The following COLEC10 variants were observed in gnomAD, a reference collection of about 807,000 sequenced individuals.
COLEC10 encodes collectin subfamily member 10.
COLEC10 carries 22 observed loss-of-function variants against 28.4 expected under a neutral mutation model. That is an observed-to-expected ratio of 0.78 (90% CI 0.55 to 1.11). The LOEUF is 1.11. Among genes scored for constraint, COLEC10 ranks in the 50% least tolerant of loss-of-function variants. COLEC10 has a pLI of 0.00. For synonymous variants in COLEC10, 125 were observed against 116.1 expected (o/e 1.08, Z -0.49); for missense variants, 361 against 344.1 (o/e 1.05, Z -0.39).
chr8:119,078,861 C>T (rs1815307533), intron 1 of COLEC10, among the ~76,000 whole-genome samples: 2 of 152,084 alleles, frequency 1.3e-5, no homozygotes, highest in Non-Finnish European at 2.9e-5. Context: ...CAATACTACA[C>T]TTTCTCCTTA....
At chr8:119,089,884 T>C (rs375059160) in intron 2 of COLEC10, 133 bp downstream of exon 2, 15 of 673,546 alleles carry the variant, frequency 2.2e-5, no homozygotes, top group Non-Finnish European at 3.9e-5. Context: ...ATTTCACACA[T>C]GAATTAACTC....
intron 2 of COLEC10, among the ~76,000 whole-genome samples, chr8:119,041,401 G>A (rs1814492063): frequency 6.6e-6 from 1 of 152,110 alleles, no homozygotes; most frequent in South Asian, 2.1e-4. Context: ...AATGATATTG[G>A]AATGCATTTA....
At chr8:119,015,920 T>G (rs773902121) in intron 2 of COLEC10, among the ~76,000 whole-genome samples, 30 of 152,210 alleles carry the variant, frequency 2.0e-4, no homozygotes, top group Non-Finnish European at 4.0e-4. Context: ...TAACAGCAAC[T>G]AACCCTAGAA....
rs143479754 is a variant in COLEC10 at position 119,107,665 on chromosome 8, G to A, written c.*1474G>A. ...ATAAACTCAGATCCTACAGGGGCCAGGCAGATGACTTACCTAAATGAAGTG... is the reference window on the plus strand; with the variant it reads ...ATAAACTCAGATCCTACAGGGGCCAAGCAGATGACTTACCTAAATGAAGTG... On this transcript the variant is annotated 3_prime_UTR_variant, in exon 6 of 6. Transcript: ENST00000332843. Among the ~76,000 whole-genome samples the A allele has an allele frequency of 7.5e-4, 114 of 152,252 alleles. No individual in the cohort carries two copies. The highest frequency in any genetic ancestry group is 1.3e-3 in the Non-Finnish European group (88 of 68,018).
intron 2 of COLEC10, among the ~76,000 whole-genome samples, chr8:119,034,951 C>T (rs957295222): frequency 4.6e-5 from 7 of 152,114 alleles, no homozygotes; most frequent in Admixed American, 1.3e-4. Flanking sequence ...TAGTAAACGG[C>T]AACTAATCAT....
chr8:119,070,364 T>A (rs1349798766), intron 1 of COLEC10, among the ~76,000 whole-genome samples: 2 of 152,196 alleles, frequency 1.3e-5, no homozygotes, highest in African/African-American at 4.8e-5. Context: ...AATGACTCTG[T>A]TGCAAGCCAT....
chr8:118,998,281 A>T (rs1485305), intron 1 of COLEC10, among the ~76,000 whole-genome samples: 82,024 of 151,950 alleles, frequency 0.54, 23,561 homozygotes, highest in African/African-American at 0.75. Context: ...TATTTCAATT[A>T]TTCCCAATGT....
At chr8:119,005,252 T>C (rs1309318755) in intron 1 of COLEC10, among the ~76,000 whole-genome samples, 2 of 152,134 alleles carry the variant, frequency 1.3e-5, no homozygotes, top group African/African-American at 4.8e-5. Flanking sequence ...AACCATGACA[T>C]ATACTCAACC....
intron 3 of COLEC10, among the ~76,000 whole-genome samples, chr8:119,093,735 T>C (rs560793760): frequency 6.6e-6 from 1 of 152,350 alleles, no homozygotes; most frequent in African/African-American, 2.4e-5. Flanking sequence ...GAATTTTTAA[T>C]ACCACCCATG....
intron 2 of COLEC10, among the ~76,000 whole-genome samples, chr8:119,056,237 A>T (rs1814759240): frequency 6.6e-6 from 1 of 152,054 alleles, no homozygotes; most frequent in African/African-American, 2.4e-5. Flanking sequence ...GTCAAGCACT[A>T]CAGGTTGCCT....
chr8:119,032,631 G>A (rs1213204911), intron 2 of COLEC10, among the ~76,000 whole-genome samples: 1 of 152,204 alleles, frequency 6.6e-6, no homozygotes, highest in Admixed American at 6.5e-5. Context: ...GCCCCGCGCG[G>A]TGGCTCATGC....
At chr8:118,990,338 G>T in the COLEC10 span, among the ~76,000 whole-genome samples, 1 of 152,110 alleles carries the variant, frequency 6.6e-6, no homozygotes, top group African/African-American at 2.4e-5. Context: ...GGAAAAGGGA[G>T]AAATATAATT....
chr8:119,022,917 T>C (rs1390012039), intron 2 of COLEC10, among the ~76,000 whole-genome samples: 1 of 152,104 alleles, frequency 6.6e-6, no homozygotes, highest in Non-Finnish European at 1.5e-5. Context: ...TTCCTATTAG[T>C]CTTTCTGTGG....
chr8:118,953,264 G>C, the COLEC10 span, among the ~76,000 whole-genome samples: 1 of 152,230 alleles, frequency 6.6e-6, no homozygotes, highest in Admixed American at 6.5e-5. Flanking sequence ...ATGTAGCTCA[G>C]TGAGTGTGGA....
intron 2 of COLEC10, 53 bp from the exon 3 acceptor site, chr8:119,091,096 T>A: frequency 7.0e-7 from 1 of 1,434,624 alleles, no homozygotes; most frequent in Non-Finnish European, 9.8e-7. Flanking sequence ...ATTAGCCACA[T>A]TTCAAGGGAA....
chr8:118,965,443 CA>C, the COLEC10 span, among the ~76,000 whole-genome samples: 1 of 151,916 alleles, frequency 6.6e-6, no homozygotes, highest in African/African-American at 2.4e-5. Flanking sequence ...TTATCTTTAC[CA>C]AAAAGAGTAA....
rs1168859653 is a variant in COLEC10, at chr8:119,041,301, T to C, written n.235+31748T>C. 2.6e-5 allele frequency among the ~76,000 whole-genome samples: 4 copies of C among 152,182 alleles called. 1 individual carries two copies. The highest frequency in any genetic ancestry group is 7.2e-5 in the African/African-American group (3 of 41,526). ...TCTGGCATGATCCCTAATGGTACCA[T>C]TTGATTCTGGAAGAAAAACCTTACC... On this transcript the variant is annotated intron_variant and non_coding_transcript_variant, in intron 2 of 6. Transcript: ENST00000521788.
intron 1 of COLEC10, among the ~76,000 whole-genome samples, chr8:119,005,571 C>A (rs1813779654): frequency 6.6e-6 from 1 of 152,090 alleles, no homozygotes; most frequent in African/African-American, 2.4e-5. Flanking sequence ...GTTTTATGAA[C>A]CTTCACTGAT....
chr8:118,967,756 ATATGGGATTTTGTTT>A, the COLEC10 span, among the ~76,000 whole-genome samples: 1 of 152,116 alleles, frequency 6.6e-6, no homozygotes, highest in Non-Finnish European at 1.5e-5. Context: ...CCTAAGATCC[ATATGGGATTTTGTTT>A]TAGGTCCTTG....
Sources: allele counts gnomAD v4.1 joint callset (sites outside exome capture counted in the v4.1 genomes callset), GRCh38; gene constraint gnomAD v4.1.1; transcripts MANE v1.5; gene names NCBI Gene and HGNC (gene_info 2026-07-23, HGNC 2026-07-21).